Variants in STAT5B observed in about 807,000 individuals in gnomAD.
STAT5B encodes the protein signal transducer and activator of transcription 5B.
STAT5B carries 21 observed loss-of-function variants against 107.8 expected under a neutral mutation model. The observed-to-expected ratio is 0.19, with a 90% confidence interval of 0.14 to 0.28. The LOEUF (loss-of-function observed/expected upper bound fraction) is 0.28, where lower values mean the gene tolerates loss of function less well. Among genes scored for constraint, STAT5B ranks in the 10% least tolerant of loss-of-function variants. The pLI is 1.00. For missense variants in STAT5B, 565 were observed against 1,008.2 expected, an observed-to-expected ratio of 0.56 and a Z score of 5.95; for synonymous variants, 325 against 401.7, an observed-to-expected ratio of 0.81 and a Z score of 2.28.
In STAT5B at chr17:42,276,257, C is replaced by A. The variant is rs2080764633; in HGVS notation, c.-20G>T. On this transcript the variant is annotated 5_prime_UTR_variant, in exon 1 of 19. Coordinates refer to ENST00000293328, the MANE Select transcript of STAT5B (RefSeq NM_012448.4). The surrounding 1 kb of genome is among the most constrained non-coding windows in gnomAD (Gnocchi z 4.8). ...GCCCCGCAGCTCCTACCTCGCTCGG[C>A]CCCTCGGGCGCCCGCGGCTGCTCCG... 1.4e-5 allele frequency: 2 copies of A among 147,440 alleles called. No homozygotes were observed. The highest frequency in any genetic ancestry group is 2.4e-5 in the African/African-American group (1 of 40,896). 9.1% of individuals were successfully genotyped at this position (147,440 alleles called of 1,614,324 possible). A position where few individuals can be genotyped will look rare whatever the true frequency, so the allele number is the denominator to read the frequency against.
chr17:42,254,849 T>C (rs1258480080), intron 1 of STAT5B, among the ~76,000 whole-genome samples: 1 of 152,080 alleles, frequency 6.6e-6, no homozygotes, highest in Non-Finnish European at 1.5e-5. Flanking sequence ...TCCCAACACT[T>C]TGGGAGGCCT....
rs754187975 is a variant in STAT5B at position 42,223,568 on chromosome 17, TG to T, written c.376-13del. ...GCTGGAGAGCTACCCTGGGAACATA[TG>T]GGGGGCAGTGCAAGGCAGTGCGAAT... On this transcript the variant is annotated splice_polypyrimidine_tract_variant and intron_variant, in intron 4 of 18. Coordinates refer to ENST00000293328, the MANE Select transcript of STAT5B (RefSeq NM_012448.4). 1 of 1,613,946 alleles carries T rather than the reference TG, an allele frequency of 6.2e-7. No homozygotes were observed. The highest frequency in any genetic ancestry group is 2.2e-5 in the East Asian group (1 of 44,866).
intron 15 of STAT5B, among the ~76,000 whole-genome samples, chr17:42,209,175 C>G (rs2080109330): frequency 6.6e-6 from 1 of 152,088 alleles, no homozygotes; most frequent in African/African-American, 2.4e-5. Flanking sequence ...GCTGGGACTA[C>G]AGGCGCACAC....
At chr17:42,272,235 C>G (rs911571571) in intron 1 of STAT5B, 1 of 152,132 alleles carries the variant, frequency 6.6e-6, no homozygotes, top group African/African-American at 2.4e-5. Flanking sequence ...ATACCATACC[C>G]TGAATTTCAC....
At chr17:42,254,710 G>A (rs1372427775) in intron 1 of STAT5B, among the ~76,000 whole-genome samples, 1 of 151,986 alleles carries the variant, frequency 6.6e-6, no homozygotes, top group East Asian at 1.9e-4. Context: ...AAGGAAGAAA[G>A]AGAGAGAGGG....
chr17:42,277,760 T>TTTC (rs1200606995), upstream of STAT5B, among the ~76,000 whole-genome samples: 1 of 133,782 alleles, frequency 7.5e-6, no homozygotes, highest in African/African-American at 3.6e-5. Flanking sequence ...TTTCTTTTCT[T>TTTC]TTTTTTTTTT....
intron 1 of STAT5B, among the ~76,000 whole-genome samples, chr17:42,247,782 T>G (rs180678480): frequency 6.6e-6 from 1 of 152,016 alleles, no homozygotes; most frequent in Non-Finnish European, 1.5e-5. Context: ...GCTCTGTCTT[T>G]ACAAAGAAAG....
At chr17:42,227,464 A>T (rs2080283202) in intron 3 of STAT5B, 65 bp downstream of exon 3, 1 of 1,607,446 alleles carries the variant, frequency 6.2e-7, no homozygotes, top group Non-Finnish European at 8.5e-7. Context: ...AGAGAAAGAA[A>T]GTCTCTACAG....
At chr17:42,285,665 A>G in the STAT5B span, among the ~76,000 whole-genome samples, 1 of 152,208 alleles carries the variant, frequency 6.6e-6, no homozygotes, top group Non-Finnish European at 1.5e-5. Flanking sequence ...AAGCAAAAAG[A>G]AACCCCAAAT....
intron 5 of STAT5B, among the ~76,000 whole-genome samples, chr17:42,222,051 GTGTC>G (rs1467508152): frequency 1.4e-5 from 2 of 143,690 alleles, no homozygotes; most frequent in African/African-American, 2.6e-5. Context: ...TGTGTGCTGT[GTGTC>G]TGTGTGTGTG....
At chr17:42,251,120 TAAG>T (rs1456570330) in intron 1 of STAT5B, among the ~76,000 whole-genome samples, 1 of 152,012 alleles carries the variant, frequency 6.6e-6, no homozygotes, top group Non-Finnish European at 1.5e-5. Context: ...GGGTTAGCAC[TAAG>T]AAGACAAACC....
At chr17:42,249,349 C>T in intron 1 of STAT5B, among the ~76,000 whole-genome samples, 1 of 151,966 alleles carries the variant, frequency 6.6e-6, no homozygotes, top group East Asian at 1.9e-4. Context: ...GCCAAGATTG[C>T]ACCACTGCAC....
rs764709139 is a variant in STAT5B at position 42,219,395 on chromosome 17, G to A, written c.750C>T (p.Asp250=). Residue 250 remains aspartate (D), a synonymous_variant, in exon 7 of 19, where the codon GAC becomes GAT. Transcript: ENST00000293328. ...LRKQQTIILD[D]ELIQWKRRQQ... ...GCCGCCGCTTCCACTGGATCAGCTC[G>A]TCATCCAGGATGATGGTCTGCTGCT... 136 of 1,503,564 alleles carry A rather than the reference G, an allele frequency of 9.0e-5. No individual in the cohort carries two copies. Among genetic ancestry groups the A allele is most frequent in the Non-Finnish European group, 1.1e-4 (120 of 1,115,816 alleles). The allele number at this position is 1,503,564 out of a possible 1,614,324, so 93.1% of individuals were successfully genotyped here. A position where few individuals can be genotyped will look rare whatever the true frequency, so the allele number is the denominator to read the frequency against.
intron 1 of STAT5B, among the ~76,000 whole-genome samples, chr17:42,236,688 C>T (rs575736108): frequency 6.6e-6 from 1 of 152,176 alleles, no homozygotes. Flanking sequence ...CTGCCCGCCT[C>T]GGCCTCCCAA....
chr17:42,228,860 G>A (rs2080295595), intron 2 of STAT5B, among the ~76,000 whole-genome samples: 1 of 152,186 alleles, frequency 6.6e-6, no homozygotes, highest in South Asian at 2.1e-4. Context: ...CTTGAACCCA[G>A]GAGGTGGAGG....
intron 1 of STAT5B, among the ~76,000 whole-genome samples, chr17:42,246,805 T>G (rs1053855267): frequency 6.6e-6 from 1 of 151,990 alleles, no homozygotes; most frequent in African/African-American, 2.4e-5. Flanking sequence ...AACAAACACA[T>G]CCCTTACCTC....
chr17:42,239,823 T>A (rs2080387704), intron 1 of STAT5B, among the ~76,000 whole-genome samples: 1 of 152,164 alleles, frequency 6.6e-6, no homozygotes, highest in Admixed American at 6.5e-5. Flanking sequence ...AAAACATGTG[T>A]CCCCAGAAAG....
intron 2 of STAT5B, 39 bp downstream of exon 2, chr17:42,231,961 G>A: frequency 1.2e-6 from 2 of 1,612,494 alleles, no homozygotes; most frequent in Non-Finnish European, 1.7e-6. Context: ...ATATTCTTGT[G>A]TTTCACAAAA....
At chr17:42,208,116 T>A (rs1436212460) in intron 15 of STAT5B, among the ~76,000 whole-genome samples, 1 of 152,052 alleles carries the variant, frequency 6.6e-6, no homozygotes, top group Admixed American at 6.5e-5. Flanking sequence ...ATGGTCTTGA[T>A]CTCCTGACCT....
Sources: gnomAD v4.1 joint callset for allele counts (sites outside exome capture counted in the v4.1 genomes callset) on GRCh38, gnomAD v4.1.1 for gene constraint, Gnocchi (gnomAD v3.1) non-coding constraint, MANE v1.5 for transcripts, NCBI Gene and HGNC (gene_info 2026-07-23, HGNC 2026-07-21) for gene names.